Variants in PRKN observed in about 807,000 individuals in gnomAD.
PRKN encodes the protein parkin RBR E3 ubiquitin protein ligase, also known as E3 ubiquitin-protein ligase parkin.
A neutral mutation model predicts 59.5 loss-of-function variants in PRKN; 56 were observed. The observed-to-expected ratio is 0.94, with a 90% CI of 0.76 to 1.18. PRKN has a LOEUF of 1.18. Among genes scored for constraint, PRKN ranks in the 50% most tolerant of loss-of-function variants. The pLI, the probability that PRKN is intolerant of heterozygous loss-of-function variation, is 0.00. For synonymous variants in PRKN, 250 were observed against 222.1 expected (o/e 1.13, Z -1.12); for missense variants, 657 against 596.4 (o/e 1.10, Z -1.06).
intron 2 of PRKN, among the ~76,000 whole-genome samples, chr6:162,389,011 A>AAAAG (rs1787014545): frequency 6.6e-6 from 1 of 150,710 alleles, no homozygotes; most frequent in East Asian, 1.9e-4. Context: ...CCTCCAGAAA[A>AAAAG]AAAAAAAAAA....
At chr6:162,001,434 A>G (rs925115014) in intron 5 of PRKN, among the ~76,000 whole-genome samples, 1 of 152,038 alleles carries the variant, frequency 6.6e-6, no homozygotes, top group Admixed American at 6.6e-5. Context: ...TTGCGTTCTT[A>G]ATCCGAAATT....
At position 161,575,670 on chromosome 6, in the gene PRKN, G is replaced by A. The variant is rs538950502; in HGVS notation, c.872-6254C>T. 3.3e-5 allele frequency among the ~76,000 whole-genome samples: 5 copies of A among 152,272 alleles called. No individual in the cohort carries two copies. In the South Asian group the frequency reaches 1.0e-3, roughly 32 times the overall value. ...AGCACCCAGGCTTGGGATAGAAATG[G>A]AAATGGATTTCAGCTCTCTGATGTG... On this transcript the variant is annotated intron_variant, in intron 7 of 11. Transcript: ENST00000366898. This position sits in a 1 kb window ranked among gnomAD's most constrained non-coding sequence, Gnocchi z 4.6.
intron 7 of PRKN, among the ~76,000 whole-genome samples, chr6:161,705,930 A>T (rs543031849): frequency 6.6e-6 from 1 of 151,972 alleles, no homozygotes; most frequent in Admixed American, 6.6e-5. Context: ...AAAACTCTTC[A>T]ATGGCTCTTC....
At chr6:162,571,440 A>G (rs1413265795) in intron 1 of PRKN, 3 of 152,180 alleles carry the variant, frequency 2.0e-5, no homozygotes, top group Non-Finnish European at 2.9e-5. Context: ...TAGTGAAAAG[A>G]TGATTCAGGA....
At chr6:162,380,849 G>A (rs1786441247) in intron 2 of PRKN, among the ~76,000 whole-genome samples, 1 of 152,076 alleles carries the variant, frequency 6.6e-6, no homozygotes, top group Admixed American at 6.6e-5. Flanking sequence ...AGGAAGTAAG[G>A]TGTTTAAGAG....
At chr6:162,408,739 G>C (rs1788200619) in intron 2 of PRKN, among the ~76,000 whole-genome samples, 1 of 152,022 alleles carries the variant, frequency 6.6e-6, no homozygotes, top group African/African-American at 2.4e-5. Context: ...TTACATTTTA[G>C]CATCATCTAA....
Position 161,376,603 on chromosome 6 carries a change from C to T in PRKN, c.1167+10191G>A, listed in dbSNP as rs565715124. On this transcript the variant is annotated intron_variant, in intron 10 of 11. Coordinates refer to ENST00000366898, the MANE Select transcript of PRKN (RefSeq NM_004562.3). This position sits in a 1 kb window ranked among gnomAD's most constrained non-coding sequence, Gnocchi z 7.3. ...CCCTTTTAGGGGGTGCTCTGCTCTG[C>T]TCCCAGTCCCACCACCTTGGGACTG... Among the ~76,000 whole-genome samples, 1 of 152,282 alleles carries T rather than the reference C, an allele frequency of 6.6e-6. No individual in the cohort carries two copies. The highest frequency in any genetic ancestry group is 1.5e-5 in the Non-Finnish European group (1 of 68,026).
rs141875356 is a variant in PRKN, at chr6:161,726,407, G to A, written c.871+59365C>T. Among the ~76,000 whole-genome samples the A allele has an allele frequency of 2.7e-4, 41 of 152,266 alleles. 1 individual carries two copies. Among genetic ancestry groups the A allele is most frequent in the African/African-American group, 9.9e-4 (41 of 41,556 alleles). Reference sequence around the variant, plus strand: ...AAAATCTGCCAAAGTAACCTATGTCGTGAAAGCACTTAATGTGTTATCCGG... The same window carrying A: ...AAAATCTGCCAAAGTAACCTATGTCATGAAAGCACTTAATGTGTTATCCGG... On this transcript the variant is annotated intron_variant, in intron 7 of 11. Coordinates refer to ENST00000366898, the MANE Select transcript of PRKN (RefSeq NM_004562.3).
intron 2 of PRKN, among the ~76,000 whole-genome samples, chr6:162,392,025 G>A (rs1488276204): frequency 1.6e-5 from 2 of 125,904 alleles, no homozygotes; most frequent in Non-Finnish European, 3.2e-5. Flanking sequence ...TCTTAGTACT[G>A]CCATTTCATG....
chr6:161,897,968 A>AG (rs1777716364), intron 6 of PRKN, among the ~76,000 whole-genome samples: 1 of 135,552 alleles, frequency 7.4e-6, no homozygotes, highest in African/African-American at 2.9e-5. Flanking sequence ...CTCCGTCTCA[A>AG]AAAAAAAAAA....
At chr6:162,159,175 C>T (rs1893547) in intron 4 of PRKN, among the ~76,000 whole-genome samples, 150,613 of 152,056 alleles carry the variant, frequency 0.99, 74,638 homozygotes, top group Middle Eastern at 1. Flanking sequence ...TAAATTCTGC[C>T]GATCTTCTTA....
At chr6:162,516,056 G>C (rs759790759) in intron 1 of PRKN, among the ~76,000 whole-genome samples, 1 of 152,192 alleles carries the variant, frequency 6.6e-6, no homozygotes, top group African/African-American at 2.4e-5. Context: ...CTAATGCAGC[G>C]ATTGCTGTGC....
intron 6 of PRKN, among the ~76,000 whole-genome samples, chr6:161,922,277 G>A (rs1169811173): frequency 1.3e-5 from 2 of 152,048 alleles, no homozygotes; most frequent in Non-Finnish European, 2.9e-5. Context: ...TTCCTATTAC[G>A]TCTTATGGTT....
intron 5 of PRKN, among the ~76,000 whole-genome samples, chr6:162,050,699 G>A (rs1303153410): frequency 2.0e-5 from 3 of 152,126 alleles, no homozygotes; most frequent in African/African-American, 7.2e-5. Flanking sequence ...TGACCTTTGA[G>A]GACATGACTG....
intron 7 of PRKN, among the ~76,000 whole-genome samples, chr6:161,638,097 T>A (rs2128157363): frequency 6.6e-6 from 1 of 152,226 alleles, no homozygotes; most frequent in Non-Finnish European, 1.5e-5. Context: ...AAACTTTACC[T>A]TTGCACAGAG....
intron 4 of PRKN, among the ~76,000 whole-genome samples, chr6:162,132,996 G>C: frequency 6.6e-6 from 1 of 152,190 alleles, no homozygotes; most frequent in East Asian, 1.9e-4. Flanking sequence ...CATTGTCGGG[G>C]CAGCAGAACA....
chr6:161,731,061 GTGTTGCATTCTTTCTGATA>G (rs1415886231), intron 7 of PRKN, among the ~76,000 whole-genome samples: 5 of 151,920 alleles, frequency 3.3e-5, no homozygotes, highest in African/African-American at 1.2e-4. Flanking sequence ...GCATTCTGAA[GTGTTGCATTCTTTCTGATA>G]TGTTGCATTC....
chr6:162,431,400 A>T (rs560625867), intron 2 of PRKN, among the ~76,000 whole-genome samples: 1 of 152,124 alleles, frequency 6.6e-6, no homozygotes, highest in Non-Finnish European at 1.5e-5. Flanking sequence ...TTTATTTTTC[A>T]GGAAGTATCT....
chr6:162,094,684 G>A (rs936189545), intron 4 of PRKN, among the ~76,000 whole-genome samples: 3 of 151,816 alleles, frequency 2.0e-5, no homozygotes, highest in Admixed American at 6.6e-5. Context: ...AAGCTCTCTC[G>A]GTAACATTGT....
Sources: allele counts gnomAD v4.1 joint callset (sites outside exome capture counted in the v4.1 genomes callset), GRCh38; gene constraint gnomAD v4.1.1; non-coding constraint Gnocchi (gnomAD v3.1); transcripts MANE v1.5; gene names NCBI Gene and HGNC (gene_info 2026-07-23, HGNC 2026-07-21).